HMG20A: variants seen among roughly 807,000 people sequenced by gnomAD.
The protein encoded by HMG20A is high mobility group 20A, also known as high mobility group protein 20A.
HMG20A carries 17 observed loss-of-function variants against 43.9 expected under a neutral mutation model. The observed-to-expected ratio is 0.39, with a 90% CI of 0.27 to 0.58. The LOEUF is 0.58. Ranked by LOEUF, HMG20A falls within the 20% of genes least tolerant of loss-of-function variation. The pLI, the probability that HMG20A is intolerant of heterozygous loss-of-function variation, is 0.59. For synonymous variants in HMG20A, 132 were observed against 147.5 expected (o/e 0.89, Z 0.76); for missense variants, 341 against 438.2 (o/e 0.78, Z 1.98).
At chr15:77,507,878 G>T in the HMG20A span, among the ~76,000 whole-genome samples, 3 of 151,522 alleles carry the variant, frequency 2.0e-5, no homozygotes, top group Non-Finnish European at 4.4e-5. Flanking sequence ...AGCATGTTGT[G>T]GGGGGGCGGT....
At chr15:77,427,120 CA>C (rs2073435502) in intron 1 of HMG20A, among the ~76,000 whole-genome samples, 1 of 151,902 alleles carries the variant, frequency 6.6e-6, no homozygotes, top group South Asian at 2.1e-4. Flanking sequence ...TAGTAGCAAT[CA>C]AAACAAAGTT....
chr15:77,422,158 T>C (rs903517530), intron 1 of HMG20A, among the ~76,000 whole-genome samples: 2 of 152,210 alleles, frequency 1.3e-5, no homozygotes, highest in Non-Finnish European at 2.9e-5. Context: ...ATCAATCTAT[T>C]TGAAGCTTAC....
At chr15:77,496,978 T>A in the HMG20A span, among the ~76,000 whole-genome samples, 1 of 152,228 alleles carries the variant, frequency 6.6e-6, no homozygotes, top group Non-Finnish European at 1.5e-5. Flanking sequence ...GACCCAGTGC[T>A]GGCAGGAGAG....
intron 4 of HMG20A, among the ~76,000 whole-genome samples, chr15:77,469,655 ATTTG>A (rs71447155): frequency 0.082 from 12,467 of 151,400 alleles, 605 homozygotes; most frequent in Non-Finnish European, 0.11. Flanking sequence ...CCATTTATTT[ATTTG>A]TTTGTTTGTT....
chr15:77,497,021 C>A, the HMG20A span, among the ~76,000 whole-genome samples: 1 of 152,178 alleles, frequency 6.6e-6, no homozygotes, highest in African/African-American at 2.4e-5. Flanking sequence ...CTAGGAAACA[C>A]TGCAATGGTG....
At chr15:77,425,458 T>C (rs935364126) in intron 1 of HMG20A, among the ~76,000 whole-genome samples, 30 of 152,314 alleles carry the variant, frequency 2.0e-4, no homozygotes, top group Admixed American at 1.7e-3. Flanking sequence ...CACTCAAATA[T>C]CTATAAAATG....
At chr15:77,424,937 T>C (rs2073410359) in intron 1 of HMG20A, among the ~76,000 whole-genome samples, 1 of 151,976 alleles carries the variant, frequency 6.6e-6, no homozygotes, top group Admixed American at 6.6e-5. Context: ...CATCTACACA[T>C]CCAAACGGGA....
At chr15:77,430,458 A>G (rs1364811716) in intron 1 of HMG20A, among the ~76,000 whole-genome samples, 2 of 152,268 alleles carry the variant, frequency 1.3e-5, no homozygotes, top group Non-Finnish European at 2.9e-5. Context: ...TGAGGCATCC[A>G]GGACTTAAGA....
intron 6 of HMG20A, among the ~76,000 whole-genome samples, chr15:77,473,142 T>C (rs879708383): frequency 6.6e-6 from 1 of 152,236 alleles, no homozygotes; most frequent in Non-Finnish European, 1.5e-5. Context: ...TAGACGTTAT[T>C]ACCATCTATG....
chr15:77,454,411 A>G (rs1024711462), intron 1 of HMG20A, among the ~76,000 whole-genome samples: 2 of 152,154 alleles, frequency 1.3e-5, no homozygotes, highest in African/African-American at 4.8e-5. Flanking sequence ...GCAATTTAGT[A>G]TGCTTTTTGT....
the HMG20A span, among the ~76,000 whole-genome samples, chr15:77,519,026 C>T: frequency 6.6e-6 from 1 of 152,322 alleles, no homozygotes; most frequent in Admixed American, 6.5e-5. Flanking sequence ...GTCTATACCC[C>T]ATTTCCTTTT....
At position 77,458,538 on chromosome 15, in the gene HMG20A, C is replaced by T. The variant is rs1437003301; in HGVS notation, c.89+42C>T. The T allele has an allele frequency of 1.0e-5, 13 of 1,302,670 alleles. No individual in the cohort carries two copies. In the Admixed American group the frequency reaches 2.4e-4, roughly 24 times the overall value. The allele number at this position is 1,302,670 out of a possible 1,614,324, so 80.7% of individuals were successfully genotyped here. A position where few individuals can be genotyped will look rare whatever the true frequency, so the allele number is the denominator to read the frequency against. On this transcript the variant is annotated intron_variant, in intron 2 of 9. Coordinates refer to ENST00000336216, the MANE Select transcript of HMG20A (RefSeq NM_001304504.2). ...GGACACTGGACTTCTCCATAGGCCT[C>T]AAAACAAAGCTTCTAGCAAAGTAAG...
chr15:77,493,247 G>T, the HMG20A span, among the ~76,000 whole-genome samples: 1 of 152,130 alleles, frequency 6.6e-6, no homozygotes, highest in Non-Finnish European at 1.5e-5. Context: ...CAGGGAGTGG[G>T]CAACTTTTTT....
chr15:77,516,545 C>G, the HMG20A span, among the ~76,000 whole-genome samples: 1 of 152,110 alleles, frequency 6.6e-6, no homozygotes, highest in African/African-American at 2.4e-5. Context: ...CTGTACCACC[C>G]CACCATGTGT....
rs1223693736 is a variant in HMG20A at position 77,462,748 on chromosome 15, TTTTTTC to T, written c.90-1468_90-1463del. On this transcript the variant is annotated intron_variant, in intron 2 of 9. Coordinates refer to ENST00000336216, the MANE Select transcript of HMG20A (RefSeq NM_001304504.2). ...CATTAAGTTCTCTCCATTCTACCTC[TTTTTTC>T]TTTTTCTTTTTCTTTTTCTTTTTTT... 3.9e-3 allele frequency among the ~76,000 whole-genome samples: 584 copies of T among 151,124 alleles called. 3 individuals carry two copies. The highest frequency in any genetic ancestry group is 0.012 in the African/African-American group (499 of 41,082).
At chr15:77,451,054 A>G (rs1163628114) in intron 1 of HMG20A, among the ~76,000 whole-genome samples, 1 of 152,198 alleles carries the variant, frequency 6.6e-6, no homozygotes, top group African/African-American at 2.4e-5. Flanking sequence ...TCACTTAGTA[A>G]TATGCACTAA....
chr15:77,435,819 C>CTTTTT (rs35390385), intron 1 of HMG20A, among the ~76,000 whole-genome samples: 1 of 147,758 alleles, frequency 6.8e-6, no homozygotes. Flanking sequence ...GTAGGTGCAT[C>CTTTTT]TTTTTTTTTT....
At chr15:77,440,294 A>G (rs2073597315) in intron 1 of HMG20A, among the ~76,000 whole-genome samples, 1 of 152,192 alleles carries the variant, frequency 6.6e-6, no homozygotes, top group African/African-American at 2.4e-5. Flanking sequence ...CAATTCTTAA[A>G]TTGTGGTATT....
At chr15:77,504,853 G>T in the HMG20A span, among the ~76,000 whole-genome samples, 1 of 152,200 alleles carries the variant, frequency 6.6e-6, no homozygotes, top group African/African-American at 2.4e-5. Context: ...CTTCAGATAA[G>T]TTTCTACAGT....
Sources: allele counts gnomAD v4.1 joint callset (sites outside exome capture counted in the v4.1 genomes callset), GRCh38; gene constraint gnomAD v4.1.1; transcripts MANE v1.5; gene names NCBI Gene and HGNC (gene_info 2026-07-23, HGNC 2026-07-21).